PDE6A: variants seen among roughly 807,000 people sequenced by gnomAD.
PDE6A encodes rod cGMP-specific 3',5'-cyclic phosphodiesterase subunit alpha.
In PDE6A, 84 loss-of-function variants were observed where a neutral mutation model predicts 106.3. That is an observed-to-expected ratio of 0.79 (90% CI 0.66 to 0.95). The LOEUF is 0.95. Among genes scored for constraint, PDE6A ranks in the 40% least tolerant of loss-of-function variants. The pLI is 0.00. For synonymous variants in PDE6A, 394 were observed against 386.6 expected, an observed-to-expected ratio of 1.02 and a Z score of -0.23; for missense variants, 1,052 against 1,084.9, an observed-to-expected ratio of 0.97 and a Z score of 0.43.
At chr5:149,921,023 A>G (rs1164859804) in intron 5 of PDE6A, among the ~76,000 whole-genome samples, 1 of 151,488 alleles carries the variant, frequency 6.6e-6, no homozygotes, top group Non-Finnish European at 1.5e-5. Context: ...AAACCTACGT[A>G]GCCAAGCAAG....
Position 149,895,268 on chromosome 5 carries a change from G to A in PDE6A, c.1643C>T (p.Ser548Phe), listed in dbSNP as rs1249062859. 5 of 1,613,594 alleles carry A rather than the reference G, an allele frequency of 3.1e-6. No homozygotes were observed. The South Asian group carries it at 5.5e-5, about 18-fold the overall frequency. ...GATCTTGCGGTAGCCCTTACTCAGG[G>A]AGTACATGAACCGCACCAGGGCCTG... ...PQEALVRFMY[S>F]LSKGYRKITY... Residue 548 changes from serine to phenylalanine, a missense_variant, in exon 13 of 22, where the codon TCC (serine) becomes TTC (phenylalanine). Ser to Phe is a radical substitution (Grantham distance 155). Around this residue, in one of 3 missense-constraint regions of PDE6A, gnomAD observed 913 missense variants for 915.2 expected, o/e 1.00. Transcript: ENST00000255266.
chr5:149,903,704 A>G lies in PDE6A; in HGVS notation c.1066-9T>C. ...TTCATGATGTTGCAAATCTGAGAGC[A>G]GTGAAGGGGAATAATGAAGGTGTGA... is the stretch of plus-strand genomic sequence containing the variant. On this transcript the variant is annotated splice_polypyrimidine_tract_variant and intron_variant, in intron 7 of 21. Coordinates refer to ENST00000255266, the MANE Select transcript of PDE6A (RefSeq NM_000440.3). 2.5e-6 allele frequency: 4 copies of G among 1,612,816 alleles called. No individual in the cohort carries two copies. Among genetic ancestry groups the G allele is most frequent in the Non-Finnish European group, 3.4e-6 (4 of 1,178,774 alleles).
At chr5:149,939,262 G>A (rs1316277632) in intron 1 of PDE6A, among the ~76,000 whole-genome samples, 4 of 152,118 alleles carry the variant, frequency 2.6e-5, no homozygotes, top group Admixed American at 6.5e-5. Context: ...AAACTCTGAC[G>A]GATGAACAGA....
At chr5:149,898,574 A>C (rs969197994) in intron 9 of PDE6A, 68 bp from the exon 10 acceptor site, 2 of 1,508,002 alleles carry the variant, frequency 1.3e-6, no homozygotes, top group Non-Finnish European at 1.8e-6. Context: ...TAAAACTCAT[A>C]GCAAGAGTCT....
intron 9 of PDE6A, among the ~76,000 whole-genome samples, 163 bp downstream of exon 9, chr5:149,899,212 A>C (rs954029921): frequency 1.3e-5 from 2 of 152,206 alleles, no homozygotes; most frequent in Non-Finnish European, 1.5e-5. Context: ...CTGACAGCAC[A>C]TCAGTGCAGT....
At chr5:149,924,460 T>A (rs897152599) in intron 4 of PDE6A, among the ~76,000 whole-genome samples, 4 of 150,106 alleles carry the variant, frequency 2.7e-5, no homozygotes, top group Admixed American at 1.3e-4. Context: ...GAAATATATA[T>A]ATATTTAGTT....
chr5:149,884,862 T>C lies in PDE6A; in HGVS notation c.1844A>G (p.Gln615Arg). ...GTNNLYQMKS[Q>R]NPLAKLHGSS... Reference sequence around the variant, plus strand: ...CCCATGGAGCTTGGCCAGTGGGTTCTGGGATCTGAATGAGAAAGAGAGAGA... The same window carrying C: ...CCCATGGAGCTTGGCCAGTGGGTTCCGGGATCTGAATGAGAAAGAGAGAGA... The change falls in exon 15 of 22, where the codon CAG (glutamine) becomes CGG (arginine). Residue 615 changes from glutamine (Q) to arginine (R), a missense_variant. By Grantham distance (43) the Gln-to-Arg change is conservative (BLOSUM62 1). Around this residue, in one of 3 missense-constraint regions of PDE6A, gnomAD observed 913 missense variants for 915.2 expected, o/e 1.00. Transcript: ENST00000255266. 2.5e-6 allele frequency: 4 copies of C among 1,613,316 alleles called. No individual in the cohort carries two copies. Among genetic ancestry groups the C allele is most frequent in the Non-Finnish European group, 2.5e-6 (3 of 1,179,252 alleles).
At chr5:149,907,117 G>A (rs1398225827) in intron 7 of PDE6A, among the ~76,000 whole-genome samples, 195 bp downstream of exon 7, 1 of 152,144 alleles carries the variant, frequency 6.6e-6, no homozygotes, top group African/African-American at 2.4e-5. Flanking sequence ...CTATGTATTT[G>A]ATATTTCCTC....
intron 5 of PDE6A, among the ~76,000 whole-genome samples, chr5:149,918,949 A>G (rs1172678719): frequency 6.6e-6 from 1 of 152,158 alleles, no homozygotes; most frequent in Non-Finnish European, 1.5e-5. Context: ...AAATATTTTT[A>G]AATAGTCAAG....
intron 5 of PDE6A, 126 bp from the exon 6 acceptor site, chr5:149,915,133 C>A: frequency 3.3e-6 from 2 of 610,842 alleles, no homozygotes; most frequent in Non-Finnish European, 5.8e-6. Context: ...CTCCTGCGTT[C>A]AAGCTATTCT....
chr5:149,933,789 C>A (rs1012152452), intron 3 of PDE6A, 141 bp downstream of exon 3: 7 of 689,914 alleles, frequency 1.0e-5, no homozygotes, highest in Admixed American at 2.1e-5. Flanking sequence ...TACAGACAAC[C>A]ACTACCTCAT....
intron 17 of PDE6A, among the ~76,000 whole-genome samples, chr5:149,874,774 C>T (rs1760680446): frequency 6.6e-6 from 1 of 152,140 alleles, no homozygotes; most frequent in South Asian, 2.1e-4. Flanking sequence ...GCTCCTATCA[C>T]TCAGGAAATT....
intron 17 of PDE6A, among the ~76,000 whole-genome samples, chr5:149,876,198 A>T (rs1760731911): frequency 6.6e-6 from 1 of 152,148 alleles, no homozygotes; most frequent in Non-Finnish European, 1.5e-5. Context: ...CTATTTTTAC[A>T]AATAATTATT....
At chr5:149,861,129 C>T (rs568976848) in intron 21 of PDE6A, among the ~76,000 whole-genome samples, 158 bp from the exon 22 acceptor site, 36 of 146,128 alleles carry the variant, frequency 2.5e-4, no homozygotes, top group African/African-American at 8.5e-4. Context: ...AGGAGAATCA[C>T]GGAAACAGAA....
intron 13 of PDE6A, among the ~76,000 whole-genome samples, chr5:149,886,823 C>A (rs748535359): frequency 6.6e-6 from 1 of 152,198 alleles, no homozygotes; most frequent in Non-Finnish European, 1.5e-5. Context: ...TGGAGGAATC[C>A]TTCCCTGGGA....
chr5:149,929,382 G>A (rs756888476), intron 4 of PDE6A, among the ~76,000 whole-genome samples: 8 of 152,100 alleles, frequency 5.3e-5, no homozygotes, highest in Non-Finnish European at 7.4e-5. Flanking sequence ...CGAGGCAGGC[G>A]GATCACGAGG....
chr5:149,903,752 T>G, intron 7 of PDE6A, 57 bp from the exon 8 acceptor site: 1 of 1,292,328 alleles, frequency 7.7e-7, no homozygotes, highest in Middle Eastern at 1.9e-4. Flanking sequence ...GGGTGCCCAG[T>G]GAAGCACTGT....
At chr5:149,931,204 G>A in intron 3 of PDE6A, 36 bp from the exon 4 acceptor site, 1 of 1,610,284 alleles carries the variant, frequency 6.2e-7, no homozygotes. Context: ...TAGGTTTTGA[G>A]GTGCAAAGTA....
chr5:149,878,657 C>T (rs770921528), intron 17 of PDE6A, among the ~76,000 whole-genome samples: 8 of 152,204 alleles, frequency 5.3e-5, no homozygotes, highest in Non-Finnish European at 8.8e-5. Flanking sequence ...GGCCCTTTCC[C>T]TCACTCTGCC....
Sources: gnomAD v4.1 joint callset for allele counts (sites outside exome capture counted in the v4.1 genomes callset) on GRCh38, gnomAD v4.1.1 for gene constraint, gnomAD v4.1.1 regional missense constraint, MANE v1.5 for transcripts, NCBI Gene and HGNC (gene_info 2026-07-23, HGNC 2026-07-21) for gene names.